LEKR1: variants seen among roughly 807,000 people sequenced by gnomAD.
LEKR1 encodes protein LEKR1.
A neutral mutation model predicts 72.4 loss-of-function variants in LEKR1; 59 were observed. The ratio of observed to expected loss-of-function variants is 0.82; its 90% CI spans 0.66 to 1.01. The LOEUF is 1.01. Among genes scored for constraint, LEKR1 ranks in the 50% least tolerant of loss-of-function variants. LEKR1 has a pLI of 0.00. For missense variants in LEKR1, 728 were observed against 759.2 expected (o/e 0.96, Z 0.48); for synonymous variants, 257 against 263.2 (o/e 0.98, Z 0.23).
intron 3 of LEKR1, among the ~76,000 whole-genome samples, chr3:156,907,031 A>G (rs1441318372): frequency 6.6e-6 from 1 of 152,094 alleles, no homozygotes; most frequent in African/African-American, 2.4e-5. Context: ...CATTTTTTCC[A>G]TTTATAAACC....
chr3:156,878,027 T>C (rs9841269), intron 3 of LEKR1, among the ~76,000 whole-genome samples: 50,980 of 151,964 alleles, frequency 0.34, 11,195 homozygotes, highest in African/African-American at 0.62. Context: ...GTGATCTGCC[T>C]GCCTCAGCCT....
At chr3:156,977,672 A>G (rs1474600612) in intron 6 of LEKR1, 6 of 250,572 alleles carry the variant, frequency 2.4e-5, no homozygotes, top group Admixed American at 2.1e-4. Context: ...ACAAATGTAC[A>G]TGGGATGGAT....
intron 6 of LEKR1, among the ~76,000 whole-genome samples, chr3:156,960,937 A>G (rs1728078483): frequency 3.3e-5 from 5 of 152,176 alleles, no homozygotes; most frequent in Admixed American, 3.3e-4. Flanking sequence ...ATTTATCTCA[A>G]TTGATATAAT....
chr3:157,007,942 G>A (rs573342812), intron 9 of LEKR1, among the ~76,000 whole-genome samples: 1 of 152,208 alleles, frequency 6.6e-6, no homozygotes, highest in South Asian at 2.1e-4. Flanking sequence ...AAATTTAAGA[G>A]TTGTCAGCAG....
intron 5 of LEKR1, among the ~76,000 whole-genome samples, chr3:156,928,917 A>G (rs1724965738): frequency 6.6e-6 from 1 of 152,044 alleles, no homozygotes; most frequent in Non-Finnish European, 1.5e-5. Flanking sequence ...TCTCTATAAC[A>G]TAACACCCAC....
chr3:156,901,109 G>T (rs530728578), intron 3 of LEKR1, among the ~76,000 whole-genome samples: 33 of 151,444 alleles, frequency 2.2e-4, no homozygotes, highest in African/African-American at 7.6e-4. Flanking sequence ...GGGATTATAC[G>T]TATGATCCAC....
intron 3 of LEKR1, among the ~76,000 whole-genome samples, chr3:156,859,017 A>G (rs1482343532): frequency 2.6e-5 from 4 of 152,188 alleles, no homozygotes; most frequent in Non-Finnish European, 5.9e-5. Context: ...TGAAGAGAAT[A>G]TAACCTATTT....
intron 6 of LEKR1, among the ~76,000 whole-genome samples, chr3:156,976,688 C>A (rs1235150132): frequency 6.6e-6 from 1 of 152,138 alleles, no homozygotes; most frequent in East Asian, 1.9e-4. Flanking sequence ...TTACCACACT[C>A]TTATGGACAA....
chr3:156,923,934 A>G (rs1724457745), intron 4 of LEKR1, among the ~76,000 whole-genome samples: 1 of 152,074 alleles, frequency 6.6e-6, no homozygotes, highest in Admixed American at 6.6e-5. Flanking sequence ...TCACCGTGTT[A>G]GCCAGGATGG....
chr3:156,955,936 G>T (rs1177400282), intron 6 of LEKR1, among the ~76,000 whole-genome samples: 1 of 145,108 alleles, frequency 6.9e-6, no homozygotes, highest in African/African-American at 2.6e-5. Context: ...TTGGGAAAAG[G>T]ATGTTCATAC....
intron 7 of LEKR1, among the ~76,000 whole-genome samples, chr3:156,989,537 T>G (rs1184007452): frequency 6.6e-6 from 1 of 152,232 alleles, no homozygotes; most frequent in Admixed American, 6.5e-5. Flanking sequence ...TGATAAAATT[T>G]GTACCCCTGC....
intron 3 of LEKR1, among the ~76,000 whole-genome samples, chr3:156,856,298 G>C (rs1310016946): frequency 1.3e-5 from 2 of 151,968 alleles, no homozygotes; most frequent in African/African-American, 4.8e-5. Context: ...GGTCTGTTTT[G>C]TGTTATTGAT....
chr3:156,979,070 G>T, intron 6 of LEKR1, 124 bp from the exon 7 acceptor site: 1 of 400,686 alleles, frequency 2.5e-6, no homozygotes, highest in Non-Finnish European at 4.8e-6. Context: ...TACAGGCAAA[G>T]TGGAATAAGC....
At chr3:157,028,818 C>T (rs541618290) in intron 12 of LEKR1, among the ~76,000 whole-genome samples, 2 of 152,132 alleles carry the variant, frequency 1.3e-5, no homozygotes, top group South Asian at 4.1e-4. Context: ...ACAATTTTAC[C>T]TTAGGTTTTT....
intron 3 of LEKR1, 33 bp from the exon 4 acceptor site, chr3:156,920,542 G>C: frequency 1.5e-6 from 2 of 1,335,536 alleles, no homozygotes; most frequent in South Asian, 2.8e-5. Flanking sequence ...ACATATGAGA[G>C]AATACTTAAG....
intron 3 of LEKR1, among the ~76,000 whole-genome samples, chr3:156,875,992 CAAAAAAAAAAA>C (rs55816001): frequency 2.6e-4 from 18 of 70,188 alleles, no homozygotes; most frequent in Non-Finnish European, 4.2e-4. Context: ...GACTCCATCT[CAAAAAAAAAAA>C]AAAAAAAAAA....
intron 3 of LEKR1, among the ~76,000 whole-genome samples, chr3:156,900,958 C>T (rs1721971229): frequency 6.6e-6 from 1 of 151,968 alleles, no homozygotes; most frequent in African/African-American, 2.4e-5. Context: ...TAATAATTCA[C>T]ACCTTTTTTT....
At chr3:157,023,463 G>T (rs539317437) in intron 10 of LEKR1, among the ~76,000 whole-genome samples, 65 of 152,302 alleles carry the variant, frequency 4.3e-4, no homozygotes, top group African/African-American at 1.4e-3. Context: ...GTGAGTTATG[G>T]TTTCTGGAGG....
At chr3:156,977,085 G>A (rs561077095) in intron 6 of LEKR1, among the ~76,000 whole-genome samples, 1 of 152,278 alleles carries the variant, frequency 6.6e-6, no homozygotes, top group East Asian at 1.9e-4. Context: ...CCTCTCCAGA[G>A]CTGAGCATGC....
Sources: allele counts gnomAD v4.1 joint callset (sites outside exome capture counted in the v4.1 genomes callset), GRCh38; gene constraint gnomAD v4.1.1; transcripts MANE v1.5; gene names NCBI Gene and HGNC (gene_info 2026-07-23, HGNC 2026-07-21).